The following CACNA2D3 variants were observed in gnomAD, a reference collection of about 807,000 sequenced individuals.
CACNA2D3 encodes the protein voltage-dependent calcium channel subunit alpha-2/delta-3.
In CACNA2D3, 60 loss-of-function variants were observed where a neutral mutation model predicts 160.6. The ratio of observed to expected loss-of-function variants is 0.37; its 90% CI spans 0.30 to 0.46. The LOEUF (loss-of-function observed/expected upper bound fraction) is 0.46, where lower values mean the gene tolerates loss of function less well. Ranked by LOEUF, CACNA2D3 falls within the 20% of genes least tolerant of loss-of-function variation. The pLI is 1.00. For missense variants in CACNA2D3, 1,205 were observed against 1,365.0 expected, an observed-to-expected ratio of 0.88 and a Z score of 1.85; for synonymous variants, 558 against 492.9, an observed-to-expected ratio of 1.13 and a Z score of -1.75.
At chr3:54,202,120 G>T (rs1701190361) in intron 2 of CACNA2D3, among the ~76,000 whole-genome samples, 1 of 152,228 alleles carries the variant, frequency 6.6e-6, no homozygotes, top group Admixed American at 6.5e-5. Flanking sequence ...TTGGGCTCCT[G>T]TGTTTTATCT....
chr3:54,459,542 ATG>A lies in CACNA2D3; in HGVS notation c.382-43946_382-43945del, dbSNP rs1365589437. On this transcript the variant is annotated intron_variant, in intron 4 of 37. Transcript: ENST00000474759. ...GGCCAGTGATGATGAGCATTTTTTC[ATG>A]TGTCTTTTGGCTACATAAATGTCTT... 4.0e-4 allele frequency among the ~76,000 whole-genome samples: 60 copies of A among 151,822 alleles called. No homozygotes were observed. In the East Asian group the frequency reaches 0.011, roughly 27 times the overall value.
At chr3:54,836,020 A>G (rs1698671189) in intron 14 of CACNA2D3, among the ~76,000 whole-genome samples, 1 of 152,122 alleles carries the variant, frequency 6.6e-6, no homozygotes, top group Admixed American at 6.5e-5. Context: ...TGAGATTTAG[A>G]ACCAGATTTG....
chr3:54,128,078 T>C (rs1699632079), intron 2 of CACNA2D3, among the ~76,000 whole-genome samples: 1 of 152,088 alleles, frequency 6.6e-6, no homozygotes, highest in Non-Finnish European at 1.5e-5. Flanking sequence ...ATAGGCATGG[T>C]TTTCTGGTTG....
chr3:54,693,376 G>C (rs986667443), intron 11 of CACNA2D3, among the ~76,000 whole-genome samples: 10 of 152,194 alleles, frequency 6.6e-5, no homozygotes, highest in African/African-American at 2.4e-4. Context: ...ACATGTTAGT[G>C]CAACACATTA....
At chr3:54,744,058 G>A (rs528517423) in intron 11 of CACNA2D3, among the ~76,000 whole-genome samples, 11 of 152,114 alleles carry the variant, frequency 7.2e-5, no homozygotes, top group Non-Finnish European at 1.2e-4. Flanking sequence ...AAAAACCCAA[G>A]GTCCACAGTG....
chr3:54,791,319 A>C (rs2106647402), intron 13 of CACNA2D3, among the ~76,000 whole-genome samples: 1 of 152,362 alleles, frequency 6.6e-6, no homozygotes, highest in African/African-American at 2.4e-5. Flanking sequence ...AGAGGGTGTA[A>C]GAACCACCTT....
intron 4 of CACNA2D3, among the ~76,000 whole-genome samples, chr3:54,466,744 T>A (rs1161558348): frequency 6.6e-6 from 1 of 152,166 alleles, no homozygotes; most frequent in East Asian, 1.9e-4. Flanking sequence ...CTAGGCTGCG[T>A]TGAGTTTTGT....
At chr3:54,865,367 T>C (rs974880004) in intron 17 of CACNA2D3, among the ~76,000 whole-genome samples, 1 of 152,256 alleles carries the variant, frequency 6.6e-6, no homozygotes, top group African/African-American at 2.4e-5. Context: ...ATGCCCAAAG[T>C]ACTTAGATTG....
chr3:54,152,670 C>A (rs1348381069), intron 2 of CACNA2D3, among the ~76,000 whole-genome samples: 1 of 152,160 alleles, frequency 6.6e-6, no homozygotes, highest in Non-Finnish European at 1.5e-5. Flanking sequence ...TCCTGTCTTC[C>A]CTTCTTAATG....
intron 3 of CACNA2D3, among the ~76,000 whole-genome samples, chr3:54,385,595 C>G (rs999351236): frequency 6.6e-6 from 1 of 152,156 alleles, no homozygotes; most frequent in African/African-American, 2.4e-5. Context: ...CTTTGTATGT[C>G]CTGTGGCGAA....
chr3:54,423,770 A>G (rs1699872096), intron 4 of CACNA2D3, among the ~76,000 whole-genome samples: 1 of 152,114 alleles, frequency 6.6e-6, no homozygotes, highest in African/African-American at 2.4e-5. Flanking sequence ...TCTCTGACCT[A>G]CCTGGAGCGT....
intron 8 of CACNA2D3, among the ~76,000 whole-genome samples, chr3:54,573,035 G>A (rs1238567598): frequency 6.6e-6 from 1 of 152,080 alleles, no homozygotes; most frequent in Non-Finnish European, 1.5e-5. Flanking sequence ...AGTTATTATA[G>A]AAGAGTTAAG....
At chr3:54,704,123 A>C (rs916943382) in intron 11 of CACNA2D3, among the ~76,000 whole-genome samples, 1 of 152,226 alleles carries the variant, frequency 6.6e-6, no homozygotes, top group Non-Finnish European at 1.5e-5. Context: ...CTCAGTGCTC[A>C]GGGCCCAGGC....
chr3:54,724,453 A>G (rs915883609), intron 11 of CACNA2D3, among the ~76,000 whole-genome samples: 10 of 152,186 alleles, frequency 6.6e-5, no homozygotes, highest in Non-Finnish European at 1.3e-4. Flanking sequence ...ATCCCAAATA[A>G]ACAGAATATA....
chr3:54,553,892 A>G (rs1702198911), intron 5 of CACNA2D3, among the ~76,000 whole-genome samples: 2 of 152,178 alleles, frequency 1.3e-5, no homozygotes, highest in African/African-American at 4.8e-5. Flanking sequence ...TTGATTTTGG[A>G]GCCATGCAGA....
chr3:54,290,511 G>C (rs4928032), intron 2 of CACNA2D3, among the ~76,000 whole-genome samples: 1 of 148,554 alleles, frequency 6.7e-6, no homozygotes, highest in Admixed American at 6.6e-5. Context: ...CGATTCCTCA[G>C]GGATCTAGAA....
intron 5 of CACNA2D3, among the ~76,000 whole-genome samples, chr3:54,514,389 A>G (rs1701510722): frequency 6.6e-6 from 1 of 152,238 alleles, no homozygotes; most frequent in Non-Finnish European, 1.5e-5. Flanking sequence ...TTCCTCCACT[A>G]TAGCAACTGG....
rs1268779512 is a variant in CACNA2D3 at position 54,634,946 on chromosome 3, TTAA to T, written c.1053+7074_1053+7076del. On this transcript the variant is annotated intron_variant, in intron 10 of 37. Transcript: ENST00000474759. ...TCAGAGGCCTGACATTCCTGCCTTC[TTAA>T]TAAGAAAAATAAAACAAGATAGTGT... Among the ~76,000 whole-genome samples, 7 of 152,120 alleles carry T rather than the reference TTAA, an allele frequency of 4.6e-5. No homozygotes were observed. In the East Asian group the frequency reaches 1.4e-3, roughly 29 times the overall value.
intron 4 of CACNA2D3, among the ~76,000 whole-genome samples, chr3:54,466,471 C>G (rs1310536431): frequency 6.6e-6 from 1 of 152,092 alleles, no homozygotes. Flanking sequence ...GATGTTGTTG[C>G]CTTTTTTATT....
Sources: allele counts gnomAD v4.1 joint callset (sites outside exome capture counted in the v4.1 genomes callset), GRCh38; gene constraint gnomAD v4.1.1; transcripts MANE v1.5; gene names NCBI Gene and HGNC (gene_info 2026-07-23, HGNC 2026-07-21).